Variants in INSL6 observed in about 807,000 individuals in gnomAD.
The protein encoded by INSL6 is insulin like 6, also known as insulin-like peptide INSL6.
Under a neutral mutation model 9.4 loss-of-function variants are expected in INSL6, and 16 were observed. The observed-to-expected ratio is 1.70, with a 90% CI of 1.15 to 2.59. The LOEUF (loss-of-function observed/expected upper bound fraction) is 2.59, where lower values mean the gene tolerates loss of function less well. Among genes scored for constraint, INSL6 ranks in the 30% most tolerant of loss-of-function variants. The pLI is 0.00. For synonymous variants in INSL6, 154 were observed against 96.9 expected, an observed-to-expected ratio of 1.59 and a Z score of -3.46; for missense variants, 391 against 257.3, an observed-to-expected ratio of 1.52 and a Z score of -3.56.
chr9:5,090,643 C>T, the INSL6 span: 99 of 1,508,368 alleles, frequency 6.6e-5, 2 homozygotes, highest in South Asian at 6.7e-4. Flanking sequence ...ATCATCTAGA[C>T]GTTTTCATAG....
the INSL6 span, among the ~76,000 whole-genome samples, chr9:5,036,293 C>A: frequency 6.6e-6 from 1 of 152,122 alleles, no homozygotes; most frequent in Admixed American, 6.5e-5. Flanking sequence ...TGAAAATGGC[C>A]ATACTGCCCA....
At chr9:5,119,785 C>T (rs1823473631), downstream of INSL6, among the ~76,000 whole-genome samples, 1 of 152,034 alleles carries the variant, frequency 6.6e-6, no homozygotes, top group Non-Finnish European at 1.5e-5. Context: ...TCAAAATTTT[C>T]ATATGTACTT....
At chr9:5,041,601 C>T in the INSL6 span, 1 of 496,316 alleles carries the variant, frequency 2.0e-6, no homozygotes, top group Non-Finnish European at 4.0e-6. Flanking sequence ...CTTTGAGAAG[C>T]CCGACTGTGA....
intron 2 of INSL6, among the ~76,000 whole-genome samples, chr9:5,138,094 G>A (rs1030819876): frequency 7.2e-5 from 11 of 152,202 alleles, no homozygotes; most frequent in Non-Finnish European, 1.3e-4. Flanking sequence ...AGATGCTGGA[G>A]AGGATGTGGA....
the INSL6 span, among the ~76,000 whole-genome samples, chr9:5,075,235 A>T: frequency 6.6e-6 from 1 of 152,238 alleles, no homozygotes; most frequent in East Asian, 1.9e-4. Flanking sequence ...AAGCTACAGC[A>T]AGTTATCCAG....
chr9:5,021,943 TTTA>T, the INSL6 span: 6 of 1,463,812 alleles, frequency 4.1e-6, no homozygotes, highest in East Asian at 1.1e-4. Flanking sequence ...CATTTGTAAC[TTTA>T]TTGTTTTCTC....
the INSL6 span, among the ~76,000 whole-genome samples, chr9:5,088,160 C>T: frequency 1.3e-4 from 19 of 151,986 alleles, no homozygotes; most frequent in South Asian, 2.1e-4. Flanking sequence ...CTGAATTGTC[C>T]GCGGTCACAG....
the INSL6 span, among the ~76,000 whole-genome samples, chr9:5,068,631 A>C: frequency 6.6e-6 from 1 of 152,212 alleles, no homozygotes; most frequent in East Asian, 1.9e-4. Context: ...ATATGGCTGG[A>C]ACGTAGGTTG....
rs775459055 is a variant in INSL6, at chr9:5,164,280, G to T, written c.290-15C>A. 1 of 1,476,534 alleles carries T rather than the reference G, an allele frequency of 6.8e-7. No homozygotes were observed. The highest frequency in any genetic ancestry group is 2.3e-5 in the East Asian group (1 of 43,934). 91.5% of individuals were successfully genotyped at this position (1,476,534 alleles called of 1,614,324 possible). ...AGAAGTAGACACTGTTGAGAGAGAA[G>T]AAAATAAATGCTCCTTTATTAAAAT... On this transcript the variant is annotated splice_polypyrimidine_tract_variant and intron_variant, in intron 1 of 1. Coordinates refer to ENST00000381641, the MANE Select transcript of INSL6 (RefSeq NM_007179.3).
the INSL6 span, among the ~76,000 whole-genome samples, chr9:5,105,884 C>T: frequency 1.6e-4 from 25 of 152,298 alleles, no homozygotes; most frequent in Middle Eastern, 3.4e-3. Context: ...AACTGGATCC[C>T]TTCCTTACAC....
chr9:5,163,414 G>A (rs189108158), downstream of INSL6, among the ~76,000 whole-genome samples: 33 of 152,258 alleles, frequency 2.2e-4, 2 homozygotes, highest in Admixed American at 2.0e-3. Context: ...AAGAGAAACT[G>A]ACTACTATAA....
chr9:5,161,624 AT>A (rs1824928519), downstream of INSL6, among the ~76,000 whole-genome samples: 1 of 152,194 alleles, frequency 6.6e-6, no homozygotes, highest in Non-Finnish European at 1.5e-5. Flanking sequence ...GGACAACCGA[AT>A]TGGAAAGAAA....
the INSL6 span, among the ~76,000 whole-genome samples, chr9:5,032,219 C>T: frequency 5.9e-5 from 9 of 152,300 alleles, no homozygotes; most frequent in East Asian, 3.9e-4. Context: ...CCGCCATTGC[C>T]GAGGGTTGAG....
chr9:5,112,681 C>T, the INSL6 span: 3 of 934,374 alleles, frequency 3.2e-6, no homozygotes, highest in Non-Finnish European at 4.5e-6. Flanking sequence ...CCGTCTCGGT[C>T]ATCCTGAATT....
the INSL6 span, among the ~76,000 whole-genome samples, chr9:5,027,879 T>C: frequency 6.6e-6 from 1 of 152,272 alleles, no homozygotes; most frequent in East Asian, 1.9e-4. Context: ...ACTTCTAATT[T>C]TAGTTCTCTT....
At chr9:5,000,583 A>G in the INSL6 span, among the ~76,000 whole-genome samples, 5 of 152,306 alleles carry the variant, frequency 3.3e-5, no homozygotes, top group Admixed American at 6.5e-5. Context: ...TGTTATGCCA[A>G]CTTTTAGGAG....
chr9:5,089,677 A>C, the INSL6 span: 1 of 1,360,544 alleles, frequency 7.3e-7, no homozygotes, highest in Non-Finnish European at 9.6e-7. Context: ...CATTTAGGGT[A>C]ATTTTGGGAG....
chr9:5,171,871 G>A (rs1485708358), intron 1 of INSL6, among the ~76,000 whole-genome samples: 3 of 152,168 alleles, frequency 2.0e-5, no homozygotes, highest in Admixed American at 6.5e-5. Flanking sequence ...CATGTTCATG[G>A]ATAGGAAGAA....
intron 2 of INSL6, among the ~76,000 whole-genome samples, chr9:5,137,548 G>A (rs1280571710): frequency 6.6e-6 from 1 of 152,122 alleles, no homozygotes; most frequent in Admixed American, 6.5e-5. Context: ...GCAGAAAGCT[G>A]AAACTGGATC....
Sources: allele counts gnomAD v4.1 joint callset (sites outside exome capture counted in the v4.1 genomes callset), GRCh38; gene constraint gnomAD v4.1.1; transcripts MANE v1.5; gene names NCBI Gene and HGNC (gene_info 2026-07-23, HGNC 2026-07-21).